PLA2R1: variants seen among roughly 807,000 people sequenced by gnomAD.
PLA2R1 encodes the protein secretory phospholipase A2 receptor.
A neutral mutation model predicts 195.9 loss-of-function variants in PLA2R1; 158 were observed. That is an observed-to-expected ratio of 0.81 (90% CI 0.71 to 0.92). The LOEUF (loss-of-function observed/expected upper bound fraction) is 0.92. Ranked by LOEUF, PLA2R1 falls within the 40% of genes least tolerant of loss-of-function variation. The pLI is 0.00. For synonymous variants in PLA2R1, 586 were observed against 598.2 expected (o/e 0.98, Z 0.30); for missense variants, 1,626 against 1,764.6 (o/e 0.92, Z 1.41).
In PLA2R1 at chr2:159,976,076, T is replaced by C. The variant is rs2105270469; in HGVS notation, c.2587A>G (p.Ile863Val). 1.2e-6 allele frequency: 2 copies of C among 1,612,686 alleles called. No individual in the cohort carries two copies. Among genetic ancestry groups the C allele is most frequent in the East Asian group, 2.2e-5 (1 of 44,802 alleles). The change falls in exon 17 of 30, where the codon ATA becomes GTA. Residue 863 changes from isoleucine to valine, a missense_variant. Transcript: ENST00000283243. ...GAGTTATGTTCAAGTACCGCTTTTA[T>C]TTTGCTGTGGATGAATTCTTGCTCA... Reference protein sequence around the residue: ...AHEQEFIHSKIKALSKYGASW... With the variant: ...AHEQEFIHSKVKALSKYGASW...
intron 20 of PLA2R1, among the ~76,000 whole-genome samples, chr2:159,966,174 A>C (rs1403592772): frequency 6.6e-6 from 1 of 152,248 alleles, no homozygotes; most frequent in African/African-American, 2.4e-5. Flanking sequence ...TGGATAAACA[A>C]AATGTAGTAT....
In PLA2R1 at chr2:160,042,016, T is replaced by G. The variant is rs752089741; in HGVS notation, c.667+9A>C. ...CATGACATATAGAGAAGACAAAATT[T>G]ATTCTTACTGGGATCAGGGCAAAAT... is the stretch of plus-strand genomic sequence containing the variant. On this transcript the variant is annotated intron_variant, in intron 3 of 29. Transcript: ENST00000283243. The G allele has an allele frequency of 2.4e-5, 39 of 1,607,692 alleles. No individual in the cohort carries two copies. In the African/African-American group the frequency reaches 3.1e-4, roughly 13 times the overall value.
At chr2:159,965,243 T>C (rs909394404) in intron 20 of PLA2R1, among the ~76,000 whole-genome samples, 2 of 152,226 alleles carry the variant, frequency 1.3e-5, no homozygotes, top group Non-Finnish European at 2.9e-5. Context: ...GTGACATGCA[T>C]CCACCATTGT....
At chr2:159,991,552 C>T (rs79750177) in intron 11 of PLA2R1, among the ~76,000 whole-genome samples, 12 of 150,174 alleles carry the variant, frequency 8.0e-5, no homozygotes, top group East Asian at 2.0e-4. Flanking sequence ...CATGCTGGTG[C>T]GCTGCACCCA....
intron 11 of PLA2R1, among the ~76,000 whole-genome samples, chr2:160,004,904 C>T (rs1310763568): frequency 6.6e-6 from 1 of 152,158 alleles, no homozygotes; most frequent in Non-Finnish European, 1.5e-5. Context: ...CGCTGGAATC[C>T]TGGCTAAGGT....
chr2:159,970,437 T>C (rs1365026487), intron 17 of PLA2R1, among the ~76,000 whole-genome samples: 1 of 152,248 alleles, frequency 6.6e-6, no homozygotes, highest in Admixed American at 6.5e-5. Context: ...AAAATAATTT[T>C]AGTTTCATAC....
intron 1 of PLA2R1, among the ~76,000 whole-genome samples, chr2:160,061,716 A>G (rs1695964797): frequency 6.6e-6 from 1 of 152,178 alleles, no homozygotes; most frequent in African/African-American, 2.4e-5. Context: ...CGGAGGCTGC[A>G]GTGAGCCGAG....
At chr2:160,058,254 G>A (rs545593153) in intron 1 of PLA2R1, among the ~76,000 whole-genome samples, 7 of 152,166 alleles carry the variant, frequency 4.6e-5, no homozygotes, top group South Asian at 4.2e-4. Flanking sequence ...CCCTCTTTCC[G>A]TCGGCGCAGC....
Position 160,028,332 on chromosome 2 carries a change from G to C in PLA2R1, c.985C>G (p.His329Asp), listed in dbSNP as rs202189116. 1.2e-6 allele frequency: 2 copies of C among 1,608,424 alleles called. No individual in the cohort carries two copies. The highest frequency in any genetic ancestry group is 4.5e-5 in the East Asian group (2 of 44,796). ...EVNFEPFVED[H>D]CGTFSSFMPS... ...ATAAATGAACTAAATGTTCCACAGT[G>C]ATCTTCAACAAATGGCTCAAAATTT... Residue 329 changes from histidine to aspartate, a missense_variant, in exon 6 of 30, where the codon CAC becomes GAC. By Grantham distance (81) the His-to-Asp change is moderately conservative. Coordinates refer to ENST00000283243, the MANE Select transcript of PLA2R1 (RefSeq NM_007366.5).
At chr2:159,925,631 TGA>T in the PLA2R1 span, among the ~76,000 whole-genome samples, 1 of 152,150 alleles carries the variant, frequency 6.6e-6, no homozygotes, top group Non-Finnish European at 1.5e-5. Flanking sequence ...ATTTCTTTGT[TGA>T]GAGGTTTTGT....
intron 28 of PLA2R1, among the ~76,000 whole-genome samples, chr2:159,942,364 T>C (rs1687133517): frequency 6.6e-6 from 1 of 152,188 alleles, no homozygotes; most frequent in Non-Finnish European, 1.5e-5. Context: ...ACCATATGGC[T>C]CCCAAAGCCT....
intron 16 of PLA2R1, among the ~76,000 whole-genome samples, 159 bp downstream of exon 16, chr2:159,976,526 C>T (rs997630767): frequency 6.6e-6 from 1 of 152,050 alleles, no homozygotes; most frequent in Admixed American, 6.6e-5. Flanking sequence ...TAAATGACTA[C>T]ATTTATTAAT....
At chr2:159,960,935 G>A (rs1376529601) in intron 20 of PLA2R1, among the ~76,000 whole-genome samples, 2 of 152,158 alleles carry the variant, frequency 1.3e-5, no homozygotes, top group Non-Finnish European at 2.9e-5. Flanking sequence ...TCAGAATTGT[G>A]AAGTAAAGAA....
chr2:159,927,778 T>G (rs1686522969), downstream of PLA2R1, among the ~76,000 whole-genome samples: 1 of 152,202 alleles, frequency 6.6e-6, no homozygotes, highest in Non-Finnish European at 1.5e-5. Flanking sequence ...CACATTCCTC[T>G]TAACCTCCTC....
intron 4 of PLA2R1, among the ~76,000 whole-genome samples, chr2:160,030,085 T>TA (rs1444554520): frequency 1.3e-5 from 2 of 152,204 alleles, no homozygotes; most frequent in Non-Finnish European, 2.9e-5. Flanking sequence ...GTTTGGATGA[T>TA]AGACTGTATG....
intron 3 of PLA2R1, among the ~76,000 whole-genome samples, chr2:160,041,315 G>A (rs1168909986): frequency 1.3e-5 from 2 of 152,094 alleles, no homozygotes; most frequent in African/African-American, 4.8e-5. Flanking sequence ...ATAGAAAGTA[G>A]GAGGCATATA....
At chr2:160,025,858 T>C (rs963554638) in intron 6 of PLA2R1, among the ~76,000 whole-genome samples, 25 of 152,174 alleles carry the variant, frequency 1.6e-4, no homozygotes, top group African/African-American at 5.8e-4. Flanking sequence ...TAAAATGTTA[T>C]AGGAGTCAAC....
intron 1 of PLA2R1, among the ~76,000 whole-genome samples, chr2:160,062,055 A>T (rs1245505538): frequency 6.7e-6 from 1 of 150,272 alleles, no homozygotes; most frequent in Admixed American, 6.6e-5. Flanking sequence ...CCGCCGCCCG[A>T]CCCCCGCAGG....
chr2:159,955,978 G>A (rs1387288945), intron 21 of PLA2R1, 150 bp from the exon 22 acceptor site: 11 of 481,980 alleles, frequency 2.3e-5, no homozygotes, highest in Non-Finnish European at 3.6e-5. Context: ...TCCTTGTTAA[G>A]GTAATGCAGT....
Sources: allele counts gnomAD v4.1 joint callset (sites outside exome capture counted in the v4.1 genomes callset), GRCh38; gene constraint gnomAD v4.1.1; transcripts MANE v1.5; gene names NCBI Gene and HGNC (gene_info 2026-07-23, HGNC 2026-07-21).